MRPL44: variants seen among roughly 807,000 people sequenced by gnomAD.
The protein encoded by MRPL44 is mitochondrial ribosomal protein L44.
Under a neutral mutation model 25.9 loss-of-function variants are expected in MRPL44, and 21 were observed. The observed-to-expected ratio is 0.81, with a 90% CI of 0.58 to 1.17. MRPL44 has a LOEUF of 1.17. MRPL44 is among the 50% of genes most tolerant of loss of function. MRPL44 has a pLI of 0.00. For synonymous variants in MRPL44, 169 were observed against 151.0 expected (o/e 1.12, Z -0.87); for missense variants, 410 against 398.9 (o/e 1.03, Z -0.24).
chr2:223,958,101 T>A (rs2106115544), intron 1 of MRPL44, among the ~76,000 whole-genome samples: 1 of 152,364 alleles, frequency 6.6e-6, no homozygotes, highest in South Asian at 2.1e-4. Context: ...TTTGCCCTAA[T>A]TAATGCTGTT....
At chr2:223,958,568 T>C (rs1380870456) in intron 1 of MRPL44, among the ~76,000 whole-genome samples, 1 of 152,218 alleles carries the variant, frequency 6.6e-6, no homozygotes, top group Non-Finnish European at 1.5e-5. Flanking sequence ...ACAGATTATA[T>C]AGGTGTATAT....
chr2:223,963,247 A>G (rs1462956536), intron 2 of MRPL44, among the ~76,000 whole-genome samples: 1 of 152,108 alleles, frequency 6.6e-6, no homozygotes, highest in East Asian at 1.9e-4. Flanking sequence ...AGTCGAGACT[A>G]GGCTGGGCAA....
chr2:223,953,567 A>G (rs1366753513), upstream of MRPL44, among the ~76,000 whole-genome samples: 29 of 152,236 alleles, frequency 1.9e-4, no homozygotes. Context: ...TGTTCAGTAC[A>G]TGTTAAATCT....
Position 223,957,671 on chromosome 2 carries a change from G to T in MRPL44, c.179+20G>T, listed in dbSNP as rs1217430640. On this transcript the variant is annotated intron_variant, in intron 1 of 3. Transcript: ENST00000258383. Reference sequence around the variant, plus strand: ...GCGCCGGTAGGAGCCACCTCGGGAAGAGGTCTCAGGGTGGCGGTCGCAGAC... The same window carrying T: ...GCGCCGGTAGGAGCCACCTCGGGAATAGGTCTCAGGGTGGCGGTCGCAGAC... 1 of 1,595,538 alleles carries T rather than the reference G, an allele frequency of 6.3e-7. No homozygotes were observed.
rs1331030766 is a variant in MRPL44, at chr2:223,960,003, G to T, written c.648+1G>T. 2.5e-6 allele frequency: 4 copies of T among 1,591,592 alleles called. No homozygotes were observed. Among genetic ancestry groups the T allele is most frequent in the Non-Finnish European group, 3.4e-6 (4 of 1,167,576 alleles). ...TGAGAGGACTGCACTTTTCATCAGGGTACGTAACTATTAATTGGACATGCT... is the reference window on the plus strand; with the variant it reads ...TGAGAGGACTGCACTTTTCATCAGGTTACGTAACTATTAATTGGACATGCT... On this transcript the variant is annotated splice_donor_variant, in intron 2 of 3. Transcript: ENST00000258383. LOFTEE classifies it high-confidence loss of function.
chr2:223,956,934 G>T (rs1471268337), upstream of MRPL44, among the ~76,000 whole-genome samples: 3 of 152,124 alleles, frequency 2.0e-5, no homozygotes, highest in African/African-American at 7.2e-5. Flanking sequence ...TGCTTTTAAA[G>T]AAAAATTTTA....
At chr2:223,957,447 C>A (rs778387031), upstream of MRPL44, 1 of 1,613,924 alleles carries the variant, frequency 6.2e-7, no homozygotes, top group Non-Finnish European at 8.5e-7. Flanking sequence ...ACTTTCGTTC[C>A]GTCTTCCATC....
At position 223,959,582 on chromosome 2, in the gene MRPL44, A is replaced by G. The variant is rs1689623864; in HGVS notation, c.228A>G (p.Gly76=). 1.2e-6 allele frequency: 2 copies of G among 1,613,776 alleles called. No individual in the cohort carries two copies. Among genetic ancestry groups the G allele is most frequent in the African/African-American group, 2.7e-5 (2 of 74,984 alleles). The change falls in exon 2 of 4, where the codon GGA becomes GGG. Residue 76 remains glycine, a synonymous_variant. Transcript: ENST00000258383. ...ACCATGCAGAAATACAAGCTTTTGG[A>G]CATCGGTTACAGGAAAACTTTTCCT... ...WDYHAEIQAF[G]HRLQENFSLD...
intron 2 of MRPL44, among the ~76,000 whole-genome samples, chr2:223,962,720 A>C (rs182729240): frequency 6.6e-6 from 1 of 152,248 alleles, no homozygotes; most frequent in Admixed American, 6.5e-5. Flanking sequence ...ATTTTTTGAG[A>C]CAGAGTCTTG....
the MRPL44 span, among the ~76,000 whole-genome samples, chr2:223,950,969 G>A: frequency 6.6e-6 from 1 of 152,206 alleles, no homozygotes; most frequent in South Asian, 2.1e-4. Context: ...AGAAGCCTTG[G>A]AAACATCAAC....
At chr2:223,965,210 T>C (rs1689723091) in intron 3 of MRPL44, among the ~76,000 whole-genome samples, 1 of 152,224 alleles carries the variant, frequency 6.6e-6, no homozygotes, top group African/African-American at 2.4e-5. Flanking sequence ...CACTTCAAGA[T>C]GACTTTTTCT....
At chr2:223,955,616 C>A (rs1689554089), upstream of MRPL44, among the ~76,000 whole-genome samples, 1 of 152,138 alleles carries the variant, frequency 6.6e-6, no homozygotes, top group East Asian at 1.9e-4. Flanking sequence ...TAAAGTGAAC[C>A]CTCAATCGCC....
chr2:223,963,546 A>G (rs150470143), intron 2 of MRPL44, among the ~76,000 whole-genome samples: 1 of 152,154 alleles, frequency 6.6e-6, no homozygotes, highest in Non-Finnish European at 1.5e-5. Context: ...TTTTAATCCA[A>G]CTATGATTTT....
upstream of MRPL44, among the ~76,000 whole-genome samples, chr2:223,952,607 G>C (rs532199986): frequency 1.3e-5 from 2 of 152,110 alleles, no homozygotes; most frequent in Non-Finnish European, 1.5e-5. Context: ...TAAAGCCTCC[G>C]TTGTACATAT....
rs765727751 is a variant in MRPL44, at chr2:223,967,069, G to T, written c.*35G>T. ...ATGCAGCAGCCTGAAACTTGAGAGC[G>T]AAAGTGAGATAAATGTCAAAGGTGT... On this transcript the variant is annotated 3_prime_UTR_variant, in exon 4 of 4. Coordinates refer to ENST00000258383, the MANE Select transcript of MRPL44 (RefSeq NM_022915.5). 14 of 1,546,900 alleles carry T rather than the reference G, an allele frequency of 9.1e-6. No individual in the cohort carries two copies. The highest frequency in any genetic ancestry group is 1.4e-5 in the African/African-American group (1 of 72,752).
chr2:223,957,519 T>A lies in MRPL44; in HGVS notation c.47T>A (p.Leu16His), dbSNP rs148281067. The A allele has an allele frequency of 6.2e-7, 1 of 1,614,136 alleles. No homozygotes were observed. The highest frequency in any genetic ancestry group is 8.5e-7 in the Non-Finnish European group (1 of 1,180,024). ...VRLLQQGHRC[L>H]LAPVAPKLVP... ...TTGCTGCAGCAGGGACATCGCTGCC[T>A]CCTGGCTCCAGTCGCCCCCAAGCTG... Residue 16 changes from leucine to histidine, a missense_variant, in exon 1 of 4, where the codon CTC becomes CAC. Coordinates refer to ENST00000258383, the MANE Select transcript of MRPL44 (RefSeq NM_022915.5).
upstream of MRPL44, among the ~76,000 whole-genome samples, chr2:223,952,678 CT>C (rs2106112979): frequency 6.6e-6 from 1 of 152,338 alleles, no homozygotes; most frequent in Admixed American, 6.5e-5. Flanking sequence ...TGTAACCTAA[CT>C]TGATGTGTAA....
intron 3 of MRPL44, among the ~76,000 whole-genome samples, chr2:223,965,406 A>C (rs1332110645): frequency 6.6e-6 from 1 of 152,206 alleles, no homozygotes; most frequent in African/African-American, 2.4e-5. Context: ...CTTCACTTTC[A>C]AATCAGCTTA....
At chr2:223,951,168 A>T in the MRPL44 span, among the ~76,000 whole-genome samples, 4 of 152,262 alleles carry the variant, frequency 2.6e-5, no homozygotes, top group African/African-American at 9.6e-5. Context: ...CAGATCAAGC[A>T]AATGAAATGA....
Sources: gnomAD v4.1 joint callset for allele counts (sites outside exome capture counted in the v4.1 genomes callset) on GRCh38, gnomAD v4.1.1 for gene constraint, MANE v1.5 for transcripts, NCBI Gene and HGNC (gene_info 2026-07-23, HGNC 2026-07-21) for gene names.